MATCAP2: variants seen among roughly 807,000 people sequenced by gnomAD.
The protein encoded by MATCAP2 is putative tyrosine carboxypeptidase MATCAP2.
At chr7:36,366,813 C>T in the MATCAP2 span, 1 of 1,523,512 alleles carries the variant, frequency 6.6e-7, no homozygotes, top group Non-Finnish European at 8.7e-7. Context: ...GGTGGAGTCC[C>T]GAGCGGCGCG....
the MATCAP2 span, among the ~76,000 whole-genome samples, chr7:36,385,261 C>T: frequency 5.3e-5 from 8 of 152,304 alleles, no homozygotes; most frequent in African/African-American, 1.9e-4. Context: ...GTGATAAATT[C>T]AGTGCAATTT....
At chr7:36,388,059 A>G in the MATCAP2 span, among the ~76,000 whole-genome samples, 1 of 152,118 alleles carries the variant, frequency 6.6e-6, no homozygotes. Flanking sequence ...TTTTTGGATT[A>G]TGTCTCTCCA....
chr7:36,350,982 C>T, the MATCAP2 span, among the ~76,000 whole-genome samples: 711 of 152,316 alleles, frequency 4.7e-3, 8 homozygotes, highest in African/African-American at 0.015. Flanking sequence ...CCAGATCCTA[C>T]AGGCATCTGA....
the MATCAP2 span, among the ~76,000 whole-genome samples, chr7:36,342,502 G>C: frequency 6.6e-6 from 1 of 152,180 alleles, no homozygotes; most frequent in African/African-American, 2.4e-5. Context: ...GGACCAGGAA[G>C]CTTGAGAAAT....
At chr7:36,353,387 G>A in the MATCAP2 span, among the ~76,000 whole-genome samples, 1 of 151,854 alleles carries the variant, frequency 6.6e-6, no homozygotes, top group Admixed American at 6.6e-5. Context: ...GCTGTTTTTT[G>A]TTGGCAAAGC....
the MATCAP2 span, among the ~76,000 whole-genome samples, chr7:36,347,439 G>T: frequency 6.6e-6 from 1 of 152,256 alleles, no homozygotes. Context: ...AGTATGATAG[G>T]GGGTAGGATA....
the MATCAP2 span, among the ~76,000 whole-genome samples, chr7:36,374,225 T>A: frequency 6.6e-6 from 1 of 151,666 alleles, no homozygotes; most frequent in African/African-American, 2.4e-5. Context: ...GGTACAGGCA[T>A]GAGCCACCAT....
chr7:36,330,840 C>A, the MATCAP2 span: 4 of 513,180 alleles, frequency 7.8e-6, no homozygotes, highest in South Asian at 1.8e-4. Flanking sequence ...AGATTTCTTC[C>A]CTCTTGATAC....
At chr7:36,389,586 G>A in the MATCAP2 span, among the ~76,000 whole-genome samples, 2 of 152,196 alleles carry the variant, frequency 1.3e-5, no homozygotes, top group African/African-American at 4.8e-5. Context: ...TTGGTGTGAA[G>A]CAATCGCCTT....
At chr7:36,367,248 G>C in the MATCAP2 span, 2 of 1,091,812 alleles carry the variant, frequency 1.8e-6, no homozygotes, top group Non-Finnish European at 1.1e-6. Context: ...AACTGCCCCC[G>C]GGGTCCGCGC....
At chr7:36,382,164 G>A in the MATCAP2 span, among the ~76,000 whole-genome samples, 7 of 151,246 alleles carry the variant, frequency 4.6e-5, no homozygotes, top group South Asian at 2.1e-4. Context: ...AAAATTAGCC[G>A]GGCATGGTGG....
chr7:36,380,885 G>T, the MATCAP2 span, among the ~76,000 whole-genome samples: 1 of 152,080 alleles, frequency 6.6e-6, no homozygotes, highest in East Asian at 1.9e-4. Context: ...ATGCTTCACT[G>T]CACCCAGCTA....
At chr7:36,339,538 G>A in the MATCAP2 span, among the ~76,000 whole-genome samples, 1 of 152,068 alleles carries the variant, frequency 6.6e-6, no homozygotes, top group African/African-American at 2.4e-5. Flanking sequence ...AATGTGAGAG[G>A]GATTTCAGAG....
the MATCAP2 span, among the ~76,000 whole-genome samples, chr7:36,343,841 C>T: frequency 4.6e-5 from 7 of 151,544 alleles, no homozygotes; most frequent in Non-Finnish European, 1.0e-4. Context: ...ATTATAAAAA[C>T]GAATAAAAGA....
chr7:36,374,245 A>T, the MATCAP2 span, among the ~76,000 whole-genome samples: 2 of 146,296 alleles, frequency 1.4e-5, no homozygotes, highest in African/African-American at 2.5e-5. Context: ...TGCAAGGCTA[A>T]CTTTTTTTTT....
chr7:36,356,804 T>G, the MATCAP2 span: 17 of 1,039,638 alleles, frequency 1.6e-5, no homozygotes, highest in Non-Finnish European at 2.2e-5. Flanking sequence ...ATAGAAATAA[T>G]TTGAATATTT....
the MATCAP2 span, among the ~76,000 whole-genome samples, chr7:36,385,744 C>T: frequency 6.7e-6 from 1 of 150,156 alleles, no homozygotes; most frequent in African/African-American, 2.5e-5. Flanking sequence ...TGTGATCGTG[C>T]CACTGCACTC....
the MATCAP2 span, among the ~76,000 whole-genome samples, chr7:36,387,226 A>G: frequency 1.3e-5 from 2 of 152,174 alleles, no homozygotes; most frequent in African/African-American, 4.8e-5. Flanking sequence ...AAGTATACAT[A>G]TTTCTATGGG....
At chr7:36,354,779 G>A in the MATCAP2 span, among the ~76,000 whole-genome samples, 1 of 152,232 alleles carries the variant, frequency 6.6e-6, no homozygotes, top group Admixed American at 6.5e-5. Context: ...TGCAGTACAA[G>A]TCAGCTAAGA....
Sources: allele counts gnomAD v4.1 joint callset (sites outside exome capture counted in the v4.1 genomes callset), GRCh38; gene constraint gnomAD v4.1.1; transcripts MANE v1.5; gene names NCBI Gene and HGNC (gene_info 2026-07-23, HGNC 2026-07-21).